The following COX5A variants were observed in gnomAD, a reference collection of about 807,000 sequenced individuals.
The protein encoded by COX5A is cytochrome c oxidase subunit 5A, mitochondrial.
A neutral mutation model predicts 16.1 loss-of-function variants in COX5A; 6 were observed. The observed-to-expected ratio is 0.37, with a 90% CI of 0.20 to 0.73. The LOEUF is 0.73. COX5A is among the 30% of genes least tolerant of loss of function. The pLI is 0.50. For synonymous variants in COX5A, 73 were observed against 73.8 expected (o/e 0.99, Z 0.06); for missense variants, 159 against 194.9 (o/e 0.82, Z 1.10).
chr15:74,929,074 T>C lies in COX5A; in HGVS notation c.217+42A>G, dbSNP rs749742231. On this transcript the variant is annotated intron_variant, in intron 2 of 4. Coordinates refer to ENST00000322347, the MANE Select transcript of COX5A (RefSeq NM_004255.4). The stretch of plus-strand genomic sequence containing the variant: ...AATAAAGGAGCAGAAGCAGTTCATA[T>C]TTACACACCAAAATAGACAAATATG... 6 of 1,401,488 alleles carry C rather than the reference T, an allele frequency of 4.3e-6. No individual in the cohort carries two copies. In the South Asian group the frequency reaches 5.8e-5, roughly 13 times the overall value. 86.8% of individuals were successfully genotyped at this position (1,401,488 alleles called of 1,614,324 possible).
intron 3 of COX5A, among the ~76,000 whole-genome samples, chr15:74,926,057 T>TG (rs2065341761): frequency 7.0e-6 from 1 of 143,534 alleles, no homozygotes; most frequent in Non-Finnish European, 1.5e-5. Flanking sequence ...TTTTTTTTTT[T>TG]GAGACAGAGT....
chr15:74,926,992 G>A (rs2065347395), intron 2 of COX5A, 105 bp from the exon 3 acceptor site: 1 of 1,255,726 alleles, frequency 8.0e-7, no homozygotes, highest in Admixed American at 2.6e-5. Context: ...TTATCTGTCT[G>A]GGTCTCCATT....
intron 1 of COX5A, among the ~76,000 whole-genome samples, chr15:74,935,302 AAAAAC>A (rs2065384020): frequency 6.6e-6 from 1 of 152,012 alleles, no homozygotes; most frequent in Non-Finnish European, 1.5e-5. Flanking sequence ...AAACAAAAAC[AAAAAC>A]AAAACAAAAC....
intron 1 of COX5A, among the ~76,000 whole-genome samples, chr15:74,933,455 CTATCTATCT>C (rs1566981986): frequency 8.0e-6 from 1 of 125,554 alleles, no homozygotes; most frequent in Non-Finnish European, 1.7e-5. Context: ...ATCTATCTAT[CTATCTATCT>C]ATGTAAAAAC....
Position 74,923,787 on chromosome 15 carries a change from T to C in COX5A, c.340-17A>G. 7.0e-7 allele frequency: 1 copy of C among 1,428,386 alleles called. No individual in the cohort carries two copies. The highest frequency in any genetic ancestry group is 9.9e-7 in the Non-Finnish European group (1 of 1,012,924). The allele number at this position is 1,428,386 out of a possible 1,614,324, so 88.5% of individuals were successfully genotyped here. A position where few individuals can be genotyped will look rare whatever the true frequency, so the allele number is the denominator to read the frequency against. ...TGCTTTGTCCTGATGGCAAAGAGAA[T>C]ATTCACATTTAACTCTCTCAAAAGC... On this transcript the variant is annotated splice_polypyrimidine_tract_variant and intron_variant, in intron 3 of 4. Coordinates refer to ENST00000322347, the MANE Select transcript of COX5A (RefSeq NM_004255.4).
chr15:74,934,994 T>C (rs1761575364), intron 1 of COX5A, among the ~76,000 whole-genome samples: 1 of 152,134 alleles, frequency 6.6e-6, no homozygotes, highest in South Asian at 2.1e-4. Flanking sequence ...CTAACATATA[T>C]AGAAAAATAA....
chr15:74,937,877 G>T, intron 1 of COX5A, 38 bp downstream of exon 1: 1 of 1,184,442 alleles, frequency 8.4e-7, no homozygotes, highest in Non-Finnish European at 1.1e-6. Flanking sequence ...TCACCGCAAG[G>T]ACACGAGGGC....
chr15:74,933,419 A>ATCTATCTATCTATC (rs1238161758), intron 1 of COX5A, among the ~76,000 whole-genome samples: 34 of 143,394 alleles, frequency 2.4e-4, no homozygotes, highest in Non-Finnish European at 3.7e-4. Context: ...AAAAAAAAAA[A>ATCTATCTATCTATC]TATCTATCTA....
intron 1 of COX5A, among the ~76,000 whole-genome samples, chr15:74,932,810 C>T (rs1308450613): frequency 6.6e-6 from 1 of 151,864 alleles, no homozygotes; most frequent in Non-Finnish European, 1.5e-5. Context: ...GATTCTCCTG[C>T]CTTAGCCTCC....
chr15:74,926,242 G>A (rs1459373234), intron 3 of COX5A, among the ~76,000 whole-genome samples: 5 of 150,978 alleles, frequency 3.3e-5, no homozygotes, highest in East Asian at 2.0e-4. Flanking sequence ...GGGTTTCACC[G>A]TGTTAGCCAG....
chr15:74,933,619 C>G (rs1414020067), intron 1 of COX5A, among the ~76,000 whole-genome samples: 1 of 152,106 alleles, frequency 6.6e-6, no homozygotes, highest in Non-Finnish European at 1.5e-5. Flanking sequence ...CTAGCCTTAA[C>G]TGAATACTGA....
At chr15:74,930,769 G>A (rs1262199368) in intron 1 of COX5A, among the ~76,000 whole-genome samples, 1 of 148,652 alleles carries the variant, frequency 6.7e-6, no homozygotes, top group African/African-American at 2.5e-5. Context: ...TGTAATCCCA[G>A]CACTTTGGGA....
intron 1 of COX5A, among the ~76,000 whole-genome samples, chr15:74,935,372 T>G (rs575546824): frequency 6.6e-6 from 1 of 152,168 alleles, no homozygotes; most frequent in Non-Finnish European, 1.5e-5. Flanking sequence ...GGCTCACACC[T>G]GTAATCCCAG....
At chr15:74,931,539 T>C (rs888612604) in intron 1 of COX5A, among the ~76,000 whole-genome samples, 10 of 150,076 alleles carry the variant, frequency 6.7e-5, no homozygotes, top group Middle Eastern at 3.6e-3. Context: ...GAGTACTGTA[T>C]GAAAAGCATT....
At position 74,920,397 on chromosome 15, in the gene COX5A, G is replaced by C; in HGVS notation, c.*55C>G. The C allele has an allele frequency of 2.9e-6, 2 of 695,806 alleles. No homozygotes were observed. Among genetic ancestry groups the C allele is most frequent in the Non-Finnish European group, 5.2e-6 (2 of 382,584 alleles). The allele number at this position is 695,806 out of a possible 1,614,324, so 43.1% of individuals were successfully genotyped here. A position where few individuals can be genotyped will look rare whatever the true frequency, so the allele number is the denominator to read the frequency against. ...TTATCATCAGTATTTCCAGGTAACTGTTCACACTCAAGTAGCAATGTCAAT... is the reference window on the plus strand; with the variant it reads ...TTATCATCAGTATTTCCAGGTAACTCTTCACACTCAAGTAGCAATGTCAAT... On this transcript the variant is annotated 3_prime_UTR_variant, in exon 5 of 5. Coordinates refer to ENST00000322347, the MANE Select transcript of COX5A (RefSeq NM_004255.4).
Sources: allele counts gnomAD v4.1 joint callset (sites outside exome capture counted in the v4.1 genomes callset), GRCh38; gene constraint gnomAD v4.1.1; transcripts MANE v1.5; gene names NCBI Gene and HGNC (gene_info 2026-07-23, HGNC 2026-07-21).